The following TAF3 variants were observed in gnomAD, a reference collection of about 807,000 sequenced individuals.
TAF3 encodes the protein transcription initiation factor TFIID subunit 3.
In TAF3, 7 loss-of-function variants were observed where a neutral mutation model predicts 80.6. The ratio of observed to expected loss-of-function variants is 0.09; its 90% CI spans 0.05 to 0.16. TAF3 has a LOEUF of 0.16. Ranked by LOEUF, TAF3 falls within the 10% of genes least tolerant of loss-of-function variation. The probability of loss-of-function intolerance (pLI) is 1.00; values close to 1 mark genes in which losing one functional copy is unlikely to be tolerated. For missense variants in TAF3, 921 were observed against 1,140.2 expected, an observed-to-expected ratio of 0.81 and a Z score of 2.77; for synonymous variants, 444 against 446.1, an observed-to-expected ratio of 1.00 and a Z score of 0.06.
At chr10:8,008,069 TC>T (rs1488540494) in intron 4 of TAF3, among the ~76,000 whole-genome samples, 2 of 148,322 alleles carry the variant, frequency 1.3e-5, no homozygotes, top group African/African-American at 4.9e-5. Flanking sequence ...CCTCCTTACC[TC>T]TGCAGCCCGT....
chr10:7,931,466 A>T (rs1482367562), intron 2 of TAF3, among the ~76,000 whole-genome samples: 5 of 152,066 alleles, frequency 3.3e-5, no homozygotes, highest in Non-Finnish European at 7.4e-5. Context: ...TAATTGTGAC[A>T]TTGCATCTCG....
intron 2 of TAF3, among the ~76,000 whole-genome samples, chr10:7,863,644 T>TAC (rs1837173354): frequency 8.4e-6 from 1 of 119,464 alleles, no homozygotes; most frequent in African/African-American, 3.1e-5. Context: ...TATATATATA[T>TAC]ATACACACAC....
At chr10:7,969,709 T>C (rs1464850400) in intron 3 of TAF3, among the ~76,000 whole-genome samples, 1 of 152,202 alleles carries the variant, frequency 6.6e-6, no homozygotes, top group Non-Finnish European at 1.5e-5. Context: ...TACATTCGAA[T>C]ATGATCTGGA....
intron 2 of TAF3, among the ~76,000 whole-genome samples, chr10:7,941,129 G>A (rs911003380): frequency 1.3e-5 from 2 of 152,118 alleles, no homozygotes; most frequent in Non-Finnish European, 2.9e-5. Flanking sequence ...TGAAGCTGAA[G>A]GTAAGGCATG....
chr10:7,846,179 G>C (rs576634938), intron 2 of TAF3, among the ~76,000 whole-genome samples: 5 of 151,990 alleles, frequency 3.3e-5, no homozygotes, highest in Non-Finnish European at 7.4e-5. Flanking sequence ...GGACGGTCTC[G>C]ATCTCCTGAC....
chr10:7,908,681 A>G (rs1407183902), intron 2 of TAF3, among the ~76,000 whole-genome samples: 2 of 152,236 alleles, frequency 1.3e-5, no homozygotes, highest in Non-Finnish European at 2.9e-5. Flanking sequence ...AAAGCACATA[A>G]TGAGGCAGAA....
At chr10:7,981,005 G>A (rs917675369) in intron 4 of TAF3, among the ~76,000 whole-genome samples, 1 of 152,136 alleles carries the variant, frequency 6.6e-6, no homozygotes, top group African/African-American at 2.4e-5. Flanking sequence ...TTAGGGACAG[G>A]GGCTGTTTGG....
chr10:7,976,662 A>C (rs1257184853), intron 3 of TAF3, among the ~76,000 whole-genome samples: 1 of 152,098 alleles, frequency 6.6e-6, no homozygotes, highest in Non-Finnish European at 1.5e-5. Flanking sequence ...CAGGCCTCCC[A>C]AGGTGCTGAG....
chr10:7,846,636 A>G (rs944519685), intron 2 of TAF3, among the ~76,000 whole-genome samples: 1 of 152,184 alleles, frequency 6.6e-6, no homozygotes, highest in Non-Finnish European at 1.5e-5. Context: ...AAAAATGATC[A>G]TTTAAAAAAA....
At chr10:7,902,749 G>A (rs191234930) in intron 2 of TAF3, among the ~76,000 whole-genome samples, 21 of 152,172 alleles carry the variant, frequency 1.4e-4, no homozygotes, top group Non-Finnish European at 2.2e-4. Flanking sequence ...GATCCTCCGC[G>A]TTCATTTAGC....
At chr10:7,884,384 T>C (rs1361246126) in intron 2 of TAF3, among the ~76,000 whole-genome samples, 49 of 139,126 alleles carry the variant, frequency 3.5e-4, no homozygotes, top group Non-Finnish European at 6.5e-4. Flanking sequence ...TCCAAAGAGC[T>C]CTGCCTCCTT....
intron 3 of TAF3, among the ~76,000 whole-genome samples, chr10:7,971,026 A>C (rs181639418): frequency 7.9e-5 from 12 of 152,320 alleles, no homozygotes; most frequent in African/African-American, 2.9e-4. Context: ...CCAAGAGAAA[A>C]CAAGAAACTT....
At chr10:7,980,476 G>A (rs1009737702) in intron 4 of TAF3, among the ~76,000 whole-genome samples, 1 of 152,130 alleles carries the variant, frequency 6.6e-6, no homozygotes, top group Non-Finnish European at 1.5e-5. Flanking sequence ...GGAGTCAATG[G>A]TGAGTCCAGG....
Position 7,991,579 on chromosome 10 carries a change from G to A in TAF3, c.2315+14256G>A, listed in dbSNP as rs538357666. Among the ~76,000 whole-genome samples the A allele has an allele frequency of 2.0e-5, 3 of 152,178 alleles. No homozygotes were observed. In the South Asian group the frequency reaches 6.2e-4, roughly 32 times the overall value. On this transcript the variant is annotated intron_variant, in intron 4 of 6. Transcript: ENST00000344293. Reference sequence around the variant, plus strand: ...CAGAATGACAGCACAAAGGTCAGGAGTGTGATATAGATTTATACACATACA... The same window carrying A: ...CAGAATGACAGCACAAAGGTCAGGAATGTGATATAGATTTATACACATACA...
chr10:7,926,656 A>C (rs1196442140), intron 2 of TAF3, among the ~76,000 whole-genome samples: 3 of 152,212 alleles, frequency 2.0e-5, no homozygotes, highest in Non-Finnish European at 4.4e-5. Flanking sequence ...TGGTCAATTG[A>C]AAATTAAAAC....
At chr10:7,909,025 G>T (rs1449073622) in intron 2 of TAF3, among the ~76,000 whole-genome samples, 2 of 152,222 alleles carry the variant, frequency 1.3e-5, no homozygotes, top group Admixed American at 1.3e-4. Flanking sequence ...GGCTTAGCAG[G>T]TACAAAGGTC....
chr10:7,916,386 T>C (rs1461443851), intron 2 of TAF3, among the ~76,000 whole-genome samples: 1 of 152,222 alleles, frequency 6.6e-6, no homozygotes, highest in Non-Finnish European at 1.5e-5. Context: ...CAGCGTCACA[T>C]GTAGATTTTA....
Position 8,009,256 on chromosome 10 carries a change from G to A in TAF3, c.2494G>A (p.Gly832Ser), listed in dbSNP as rs1412637950. ...GGGCCCTGCCCTGCTGCCCTCCCCG[G>A]GTCCCGCCGCCTCCGGGGCCAGTGC... ...AAGPALLPSP[G>S]PAASGASAKA... The change falls in exon 5 of 7, where the codon GGT becomes AGT. Residue 832 changes from glycine to serine, a missense_variant. This residue lies in a region of TAF3 where 743 missense variants were observed against 821.0 expected (regional missense o/e 0.90). Coordinates refer to ENST00000344293, the MANE Select transcript of TAF3 (RefSeq NM_031923.4). The surrounding 1 kb of genome is among the most constrained non-coding windows in gnomAD (Gnocchi z 4.1). The A allele has an allele frequency of 1.3e-6, 2 of 1,543,722 alleles. No individual in the cohort carries two copies. The highest frequency in any genetic ancestry group is 3.9e-5 in the Admixed American group (2 of 51,202).
intron 2 of TAF3, among the ~76,000 whole-genome samples, chr10:7,880,091 T>C (rs902637271): frequency 2.6e-5 from 4 of 152,032 alleles, no homozygotes; most frequent in Non-Finnish European, 4.4e-5. Context: ...TATAACAAAT[T>C]AGCTGGCCTT....
Sources: allele counts gnomAD v4.1 joint callset (sites outside exome capture counted in the v4.1 genomes callset), GRCh38; gene constraint gnomAD v4.1.1; regional missense constraint gnomAD v4.1.1; non-coding constraint Gnocchi (gnomAD v3.1); transcripts MANE v1.5; gene names NCBI Gene and HGNC (gene_info 2026-07-23, HGNC 2026-07-21).